Variants in GPN1 observed in about 807,000 individuals in gnomAD.
GPN1 encodes the protein ATP(GTP)-binding protein.
GPN1 carries 44 observed loss-of-function variants against 55.9 expected under a neutral mutation model. That is an observed-to-expected ratio of 0.79 (90% CI 0.62 to 1.01). The LOEUF is 1.01. GPN1 is among the 50% of genes least tolerant of loss of function. GPN1 has a pLI of 0.00. For missense variants in GPN1, 466 were observed against 462.8 expected (o/e 1.01, Z -0.06); for synonymous variants, 179 against 162.5 (o/e 1.10, Z -0.77).
chr2:27,635,782 A>G (rs1673711488), intron 7 of GPN1, among the ~76,000 whole-genome samples: 1 of 152,066 alleles, frequency 6.6e-6, no homozygotes. Context: ...GTGCCACTGC[A>G]CTCCGGCTTG....
At chr2:27,632,496 C>T in intron 4 of GPN1, 137 bp from the exon 5 acceptor site, 7 of 699,206 alleles carry the variant, frequency 1.0e-5, no homozygotes, top group Non-Finnish European at 1.9e-5. Flanking sequence ...CTTTGTTGTC[C>T]TAAGATTGCA....
chr2:27,647,949 A>C lies in GPN1; in HGVS notation c.1039+6A>C, dbSNP rs1674321476. 1 of 1,468,716 alleles carries C rather than the reference A, an allele frequency of 6.8e-7. No homozygotes were observed. The highest frequency in any genetic ancestry group is 1.1e-5 in the South Asian group (1 of 88,166). 91.0% of individuals were successfully genotyped at this position (1,468,716 alleles called of 1,614,324 possible). A position where few individuals can be genotyped will look rare whatever the true frequency, so the allele number is the denominator to read the frequency against. On this transcript the variant is annotated splice_donor_region_variant and intron_variant, in intron 13 of 13. Coordinates refer to ENST00000610189, the MANE Select transcript of GPN1 (RefSeq NM_007266.4). ...TGATGACATTGACCACAGAGGTGAG[A>C]GGTGGCTGAGGTGGCCCGTGGCAAC...
At chr2:27,633,131 A>G (rs773244755) in intron 5 of GPN1, among the ~76,000 whole-genome samples, 14 of 152,164 alleles carry the variant, frequency 9.2e-5, no homozygotes, top group Non-Finnish European at 1.6e-4. Context: ...TAAAAAAGAT[A>G]ATTTATTGTT....
chr2:27,635,297 C>A, intron 7 of GPN1, 63 bp downstream of exon 7: 3 of 465,004 alleles, frequency 6.5e-6, no homozygotes, highest in South Asian at 3.1e-5. Context: ...TCTTCTTCTT[C>A]CTCTTTTTTT....
chr2:27,636,349 G>T (rs1339916859), intron 7 of GPN1, among the ~76,000 whole-genome samples: 1 of 152,160 alleles, frequency 6.6e-6, no homozygotes, highest in Non-Finnish European at 1.5e-5. Context: ...TTAATTTTGA[G>T]GGTACACAAA....
chr2:27,633,096 G>C (rs1673609969), intron 5 of GPN1, among the ~76,000 whole-genome samples: 1 of 152,114 alleles, frequency 6.6e-6, no homozygotes, highest in South Asian at 2.1e-4. Flanking sequence ...TACCCAGTTA[G>C]CTGTTGTTCA....
chr2:27,639,104 C>G, intron 9 of GPN1, 73 bp downstream of exon 9: 1 of 1,237,238 alleles, frequency 8.1e-7, no homozygotes, highest in South Asian at 1.5e-5. Flanking sequence ...GGCTTTGAAC[C>G]TGGCTGAGAA....
At chr2:27,648,082 TGA>T in intron 13 of GPN1, 139 bp downstream of exon 13, 1 of 626,140 alleles carries the variant, frequency 1.6e-6, no homozygotes, top group Non-Finnish European at 2.9e-6. Context: ...TTTCCTATAT[TGA>T]GAGTTCCTGT....
rs1673994116 is a variant in GPN1, at chr2:27,642,438, G to C, written c.850G>C (p.Glu284Gln). 4.3e-6 allele frequency: 7 copies of C among 1,611,510 alleles called. No individual in the cohort carries two copies. The highest frequency in any genetic ancestry group is 5.9e-6 in the Non-Finnish European group (7 of 1,177,690). The change falls in exon 12 of 14, where the codon GAG becomes CAG. Residue 284 changes from glutamate to glutamine, a missense_variant. Coordinates refer to ENST00000610189, the MANE Select transcript of GPN1 (RefSeq NM_007266.4). ...ERLKKSLANA[E>Q]SQQQREQLER... is the part of the protein sequence containing the mutation. The stretch of plus-strand genomic sequence containing the variant: ...TTCTCTGTATATACAGGCCAACGCA[G>C]AGAGCCAACAGCAGAGAGAACAACT...
Position 27,647,927 on chromosome 2 carries a change from T to C in GPN1, c.1023T>C (p.Asp341=). ...EEDEEADSDT[D]DIDHRVTEES... ...ATGAGGAAGCAGACAGCGATACTGATGACATTGACCACAGAGGTGAGAGGT... is the reference window on the plus strand; with the variant it reads ...ATGAGGAAGCAGACAGCGATACTGACGACATTGACCACAGAGGTGAGAGGT... Residue 341 remains aspartate (D), a synonymous_variant, in exon 13 of 14, where the codon GAT becomes GAC. Transcript: ENST00000610189. 1 of 1,606,918 alleles carries C rather than the reference T, an allele frequency of 6.2e-7. No individual in the cohort carries two copies. The highest frequency in any genetic ancestry group is 2.2e-5 in the East Asian group (1 of 44,848).
At position 27,632,630 on chromosome 2, in the gene GPN1, T is replaced by G; in HGVS notation, c.313-3T>G. 4 of 1,596,486 alleles carry G rather than the reference T, an allele frequency of 2.5e-6. No individual in the cohort carries two copies. The South Asian group carries it at 4.4e-5, about 18-fold the overall frequency. On this transcript the variant is annotated splice_polypyrimidine_tract_variant and splice_region_variant and intron_variant, in intron 4 of 13. Transcript: ENST00000610189. The stretch of plus-strand genomic sequence containing the variant: ...TGTTGTCATTGACATCTTTTTCTTT[T>G]AGGTGATGAAATTTATTGAGAAGGC...
chr2:27,638,834 T>G (rs1310244212), intron 8 of GPN1, 51 bp from the exon 9 acceptor site: 1 of 1,491,680 alleles, frequency 6.7e-7, no homozygotes, highest in East Asian at 2.3e-5. Flanking sequence ...AAAGAATAAA[T>G]TTTGCGTTTG....
intron 1 of GPN1, chr2:27,629,527 G>A: frequency 1.1e-6 from 1 of 877,354 alleles, no homozygotes; most frequent in South Asian, 1.4e-5. Context: ...TTGCACGCCT[G>A]TCATGTTCCA....
upstream of GPN1, chr2:27,628,992 G>C (rs1375191529): frequency 6.2e-7 from 1 of 1,607,110 alleles, no homozygotes; most frequent in Non-Finnish European, 8.5e-7. Flanking sequence ...TCGCAGCCCA[G>C]AACATTGCGG....
At chr2:27,641,389 T>G in intron 11 of GPN1, 110 bp downstream of exon 11, 1 of 721,864 alleles carries the variant, frequency 1.4e-6, no homozygotes, top group Non-Finnish European at 2.3e-6. Flanking sequence ...TTTTATTTAA[T>G]TAAAAAAGTT....
At chr2:27,630,055 A>AG (rs1673474291) in intron 2 of GPN1, 103 bp downstream of exon 2, 1 of 720,370 alleles carries the variant, frequency 1.4e-6, no homozygotes, top group African/African-American at 1.7e-5. Flanking sequence ...TGGGAGGCCG[A>AG]GGCAGGTAGA....
chr2:27,646,043 T>A (rs139919251), intron 12 of GPN1, among the ~76,000 whole-genome samples: 2 of 151,284 alleles, frequency 1.3e-5, no homozygotes, highest in Non-Finnish European at 2.9e-5. Flanking sequence ...AATTTATGTA[T>A]GTATGTATTT....
At chr2:27,635,268 A>G (rs1558487379) in intron 7 of GPN1, 34 bp downstream of exon 7, 1 of 1,000,070 alleles carries the variant, frequency 1.0e-6, no homozygotes, top group Non-Finnish European at 1.6e-6. Context: ...GTGTTCCATC[A>G]AGGTATAAGG....
intron 9 of GPN1, 122 bp from the exon 10 acceptor site, chr2:27,639,921 C>T: frequency 4.0e-6 from 3 of 746,204 alleles, no homozygotes; most frequent in Non-Finnish European, 6.9e-6. Context: ...GGCTTTTTGC[C>T]AAAGACTTCT....
Sources: gnomAD v4.1 joint callset for allele counts (sites outside exome capture counted in the v4.1 genomes callset) on GRCh38, gnomAD v4.1.1 for gene constraint, MANE v1.5 for transcripts, NCBI Gene and HGNC (gene_info 2026-07-23, HGNC 2026-07-21) for gene names.